The following ERBB4 variants were observed in gnomAD, a reference collection of about 807,000 sequenced individuals.
ERBB4 encodes the protein receptor tyrosine-protein kinase erbB-4.
In ERBB4, 42 loss-of-function variants were observed where a neutral mutation model predicts 158.0. The observed-to-expected ratio is 0.27, with a 90% confidence interval of 0.21 to 0.34. ERBB4 has a LOEUF of 0.34. ERBB4 is among the 10% of genes least tolerant of loss of function. The pLI is 1.00. For missense variants in ERBB4, 1,333 were observed against 1,624.1 expected, an observed-to-expected ratio of 0.82 and a Z score of 3.08; for synonymous variants, 583 against 558.7, an observed-to-expected ratio of 1.04 and a Z score of -0.61.
In ERBB4 at chr2:211,377,849, G is replaced by A. The variant is rs574334703; in HGVS notation, c.*5766C>T. 1 of 232,796 alleles carries A rather than the reference G, an allele frequency of 4.3e-6. No individual in the cohort carries two copies. The highest frequency in any genetic ancestry group is 6.1e-5 in the East Asian group (1 of 16,508). 14.4% of individuals were successfully genotyped at this position (232,796 alleles called of 1,614,324 possible). ...GGCTAACTCGTCTCAAATTCCTATA[G>A]GGAAGGACACAGAGAATTGATCTTC... is the stretch of plus-strand genomic sequence containing the variant. On this transcript the variant is annotated 3_prime_UTR_variant, in exon 28 of 28. Coordinates refer to ENST00000342788, the MANE Select transcript of ERBB4 (RefSeq NM_005235.3).
intron 3 of ERBB4, among the ~76,000 whole-genome samples, chr2:211,838,570 A>G (rs1559561492): frequency 6.6e-6 from 1 of 152,118 alleles, no homozygotes; most frequent in African/African-American, 2.4e-5. Flanking sequence ...TCAACTTTCA[A>G]AAACAAATAC....
intron 20 of ERBB4, among the ~76,000 whole-genome samples, chr2:211,456,581 G>A (rs6748422): frequency 0.13 from 19,050 of 151,976 alleles, 1,613 homozygotes; most frequent in South Asian, 0.35. Context: ...ACATATATAC[G>A]TATGCAAAAT....
chr2:211,511,605 T>A (rs2125614880), intron 20 of ERBB4, among the ~76,000 whole-genome samples: 1 of 152,194 alleles, frequency 6.6e-6, no homozygotes, highest in Admixed American at 6.5e-5. Flanking sequence ...CAGTATGCTT[T>A]TCAGATAAGC....
At chr2:212,056,678 G>A (rs1019661407) in intron 2 of ERBB4, among the ~76,000 whole-genome samples, 8 of 152,088 alleles carry the variant, frequency 5.3e-5, no homozygotes, top group East Asian at 1.9e-4. Flanking sequence ...CAGCCAAACT[G>A]AGCTTCCTAA....
intron 2 of ERBB4, among the ~76,000 whole-genome samples, chr2:212,065,819 GA>G (rs2077927255): frequency 6.6e-6 from 1 of 152,004 alleles, no homozygotes; most frequent in South Asian, 2.1e-4. Flanking sequence ...CAACCCCATA[GA>G]GCTAGGATTA....
chr2:211,810,983 T>C, intron 3 of ERBB4, among the ~76,000 whole-genome samples: 1 of 152,224 alleles, frequency 6.6e-6, no homozygotes, highest in South Asian at 2.1e-4. Context: ...CCAGTCTCTG[T>C]CTTTTAATTG....
At chr2:212,435,517 T>C (rs898888126) in intron 1 of ERBB4, among the ~76,000 whole-genome samples, 8 of 152,058 alleles carry the variant, frequency 5.3e-5, no homozygotes, top group Admixed American at 1.3e-4. Flanking sequence ...AAGACTCCTG[T>C]TTATAAGAAA....
chr2:212,505,995 T>C lies in ERBB4; in HGVS notation c.82+32454A>G, dbSNP rs775942004. On this transcript the variant is annotated intron_variant, in intron 1 of 27. Coordinates refer to ENST00000342788, the MANE Select transcript of ERBB4 (RefSeq NM_005235.3). ...ATTTAGAGCTTGTGGCAACCCCGCA[T>C]AGAACAAGTTTGTCAGCACCATTTT... is the stretch of plus-strand genomic sequence containing the variant. Among the ~76,000 whole-genome samples the C allele has an allele frequency of 1.4e-4, 21 of 148,938 alleles. 3 individuals are homozygous for C. The highest frequency in any genetic ancestry group is 1.7e-4 in the Non-Finnish European group (11 of 66,044).
At chr2:211,513,307 C>T (rs912065571) in intron 20 of ERBB4, among the ~76,000 whole-genome samples, 10 of 139,742 alleles carry the variant, frequency 7.2e-5, no homozygotes, top group Middle Eastern at 3.9e-3. Context: ...GCCGAGATTG[C>T]GCCACTGCAG....
chr2:211,657,472 G>T (rs1253176974), intron 16 of ERBB4: 2 of 388,512 alleles, frequency 5.1e-6, no homozygotes, highest in East Asian at 1.2e-4. Flanking sequence ...TCATGCCATT[G>T]CACTCCAGCC....
intron 1 of ERBB4, among the ~76,000 whole-genome samples, chr2:212,485,253 C>T (rs1689911476): frequency 6.6e-6 from 1 of 152,162 alleles, no homozygotes; most frequent in African/African-American, 2.4e-5. Context: ...CCCTGGGAAG[C>T]CCTCTCTGAC....
At chr2:211,552,344 C>A (rs1166913208) in intron 20 of ERBB4, among the ~76,000 whole-genome samples, 3 of 152,050 alleles carry the variant, frequency 2.0e-5, no homozygotes, top group South Asian at 2.1e-4. Context: ...CTGAAAAATT[C>A]TTTATTTATA....
intron 3 of ERBB4, among the ~76,000 whole-genome samples, chr2:211,874,899 T>A (rs1322531625): frequency 6.6e-6 from 1 of 151,988 alleles, no homozygotes. Context: ...CTAAAATATA[T>A]CAAATTGCCA....
intron 2 of ERBB4, among the ~76,000 whole-genome samples, chr2:211,987,034 T>A (rs1316590391): frequency 2.0e-5 from 3 of 152,058 alleles, no homozygotes; most frequent in Non-Finnish European, 1.5e-5. Flanking sequence ...AAGAAATCTA[T>A]CACACAGTGG....
chr2:211,988,573 C>T (rs16847425), intron 2 of ERBB4, among the ~76,000 whole-genome samples: 11,086 of 152,052 alleles, frequency 0.073, 471 homozygotes, highest in African/African-American at 0.12. Context: ...TCTCTCTGAG[C>T]TACTGATTCA....
chr2:211,700,477 T>G (rs1238919176), intron 12 of ERBB4, among the ~76,000 whole-genome samples: 1 of 152,130 alleles, frequency 6.6e-6, no homozygotes, highest in African/African-American at 2.4e-5. Flanking sequence ...TTGTAATAGA[T>G]CTCCTTTATT....
chr2:211,861,609 A>G (rs1471143453), intron 3 of ERBB4, among the ~76,000 whole-genome samples: 1 of 152,082 alleles, frequency 6.6e-6, no homozygotes, highest in Non-Finnish European at 1.5e-5. Flanking sequence ...TTGTTTTTAT[A>G]ATTTTCTTCA....
intron 1 of ERBB4, among the ~76,000 whole-genome samples, chr2:212,471,390 T>G (rs1397947749): frequency 6.6e-6 from 1 of 151,992 alleles, no homozygotes; most frequent in Non-Finnish European, 1.5e-5. Context: ...AGAAATCCAT[T>G]AATACAGAAA....
At chr2:212,441,855 C>G (rs2092261675) in intron 1 of ERBB4, among the ~76,000 whole-genome samples, 1 of 152,156 alleles carries the variant, frequency 6.6e-6, no homozygotes. Flanking sequence ...GGATTAATCA[C>G]TTTAGACATA....
Sources: gnomAD v4.1 joint callset for allele counts (sites outside exome capture counted in the v4.1 genomes callset) on GRCh38, gnomAD v4.1.1 for gene constraint, MANE v1.5 for transcripts, NCBI Gene and HGNC (gene_info 2026-07-23, HGNC 2026-07-21) for gene names.